EDIL3: variants seen among roughly 807,000 people sequenced by gnomAD.
EDIL3 encodes the protein EGF like and discoidin domains 3, also known as EGF-like repeat and discoidin I-like domain-containing protein 3.
EDIL3 carries 37 observed loss-of-function variants against 67.4 expected under a neutral mutation model. The ratio of observed to expected loss-of-function variants is 0.55; its 90% CI spans 0.42 to 0.72. The LOEUF (loss-of-function observed/expected upper bound fraction) is 0.72, where lower values mean the gene tolerates loss of function less well. Ranked by LOEUF, EDIL3 falls within the 30% of genes least tolerant of loss-of-function variation. The pLI, the probability that EDIL3 is intolerant of heterozygous loss-of-function variation, is 0.00. For synonymous variants in EDIL3, 195 were observed against 196.3 expected, an observed-to-expected ratio of 0.99 and a Z score of 0.05; for missense variants, 527 against 586.3, an observed-to-expected ratio of 0.90 and a Z score of 1.04.
At chr5:84,053,034 C>T (rs571427526) in intron 9 of EDIL3, among the ~76,000 whole-genome samples, 10 of 152,320 alleles carry the variant, frequency 6.6e-5, no homozygotes, top group South Asian at 4.1e-4. Context: ...CACACCTACT[C>T]CAAAATTGAC....
intron 1 of EDIL3, among the ~76,000 whole-genome samples, chr5:84,256,292 C>G (rs1343871944): frequency 6.6e-6 from 1 of 151,970 alleles, no homozygotes; most frequent in Non-Finnish European, 1.5e-5. Context: ...GCTGTATATA[C>G]CAAACTAAAT....
chr5:84,242,824 ATAT>A (rs34221437), intron 2 of EDIL3, among the ~76,000 whole-genome samples: 11,545 of 142,754 alleles, frequency 0.081, 603 homozygotes, highest in South Asian at 0.2. Flanking sequence ...TTCCAAAGAA[ATAT>A]TATTATTATT....
At chr5:84,282,960 C>T (rs2112109378) in intron 1 of EDIL3, among the ~76,000 whole-genome samples, 1 of 152,102 alleles carries the variant, frequency 6.6e-6, no homozygotes, top group Middle Eastern at 3.4e-3. Context: ...CACATTTTAT[C>T]ATTCGATTTG....
rs556898385 is a variant in EDIL3 at position 84,287,194 on chromosome 5, T to C, written c.68-32982A>G. ...AAGCTGTATTTATCCACTTGCCTTA[T>C]TTTCATAAAGAATATATAGTAATCT... is the stretch of plus-strand genomic sequence containing the variant. On this transcript the variant is annotated intron_variant, in intron 1 of 10. Transcript: ENST00000296591. 3.2e-4 allele frequency among the ~76,000 whole-genome samples: 48 copies of C among 152,296 alleles called. No individual in the cohort carries two copies. In the Middle Eastern group the frequency reaches 0.014, roughly 43 times the overall value.
chr5:84,325,940 C>A (rs1746747875), intron 1 of EDIL3, among the ~76,000 whole-genome samples: 1 of 152,004 alleles, frequency 6.6e-6, no homozygotes, highest in Non-Finnish European at 1.5e-5. Context: ...TTGAATGTGT[C>A]CCACAAATTT....
chr5:83,966,020 G>A (rs578079362), intron 9 of EDIL3, among the ~76,000 whole-genome samples: 3 of 152,126 alleles, frequency 2.0e-5, no homozygotes, highest in East Asian at 1.9e-4. Context: ...TCCAGAATTC[G>A]CCATGTAGAA....
chr5:84,379,591 T>G (rs1015905609), intron 1 of EDIL3, among the ~76,000 whole-genome samples: 24 of 152,144 alleles, frequency 1.6e-4, no homozygotes, highest in Admixed American at 6.5e-5. Flanking sequence ...AATCGTGGTA[T>G]AAATTTCATT....
intron 3 of EDIL3, among the ~76,000 whole-genome samples, chr5:84,214,568 G>A (rs918129956): frequency 2.0e-5 from 3 of 151,962 alleles, no homozygotes; most frequent in African/African-American, 7.3e-5. Flanking sequence ...TGAAACCTGT[G>A]GACAAGGAGA....
chr5:84,303,993 C>T (rs1746216380), intron 1 of EDIL3, among the ~76,000 whole-genome samples: 1 of 151,894 alleles, frequency 6.6e-6, no homozygotes, highest in Non-Finnish European at 1.5e-5. Context: ...CATATCAATC[C>T]ATATAAATTT....
At chr5:84,379,798 A>T (rs1748038804) in intron 1 of EDIL3, among the ~76,000 whole-genome samples, 1 of 152,090 alleles carries the variant, frequency 6.6e-6, no homozygotes, top group Non-Finnish European at 1.5e-5. Flanking sequence ...AATGAAAACT[A>T]ACTAATAACA....
chr5:84,230,649 C>T (rs764862394), intron 2 of EDIL3, among the ~76,000 whole-genome samples: 8 of 152,040 alleles, frequency 5.3e-5, no homozygotes, highest in Non-Finnish European at 7.4e-5. Context: ...TCAGGTGATC[C>T]GCCTGCCTGG....
intron 9 of EDIL3, among the ~76,000 whole-genome samples, chr5:84,013,434 G>A (rs990548529): frequency 2.6e-5 from 4 of 152,114 alleles, no homozygotes; most frequent in African/African-American, 9.7e-5. Context: ...ATCTTATTAT[G>A]AAGACTGAAA....
At chr5:84,047,237 CT>C (rs1561413806) in intron 9 of EDIL3, among the ~76,000 whole-genome samples, 2 of 151,858 alleles carry the variant, frequency 1.3e-5, no homozygotes, top group Non-Finnish European at 2.9e-5. Flanking sequence ...TACTTTGGGC[CT>C]TTTTCATGAT....
chr5:84,178,752 C>T (rs1269843662), intron 4 of EDIL3, among the ~76,000 whole-genome samples: 1 of 152,152 alleles, frequency 6.6e-6, no homozygotes, highest in Admixed American at 6.6e-5. Flanking sequence ...CCTCTGTTTT[C>T]TGTTGCTTCT....
intron 1 of EDIL3, among the ~76,000 whole-genome samples, chr5:84,284,384 G>A (rs1030458233): frequency 6.6e-6 from 1 of 151,694 alleles, no homozygotes; most frequent in African/African-American, 2.4e-5. Context: ...TTTCTCCTAC[G>A]GCATGGCTAC....
At chr5:84,263,892 C>T (rs1405668652) in intron 1 of EDIL3, among the ~76,000 whole-genome samples, 1 of 152,094 alleles carries the variant, frequency 6.6e-6, no homozygotes, top group Non-Finnish European at 1.5e-5. Flanking sequence ...AAGGATTCAG[C>T]TTTGACTCAA....
At chr5:84,363,735 G>C (rs1747667291) in intron 1 of EDIL3, among the ~76,000 whole-genome samples, 1 of 152,064 alleles carries the variant, frequency 6.6e-6, no homozygotes, top group Admixed American at 6.6e-5. Flanking sequence ...TTTCATGATG[G>C]TGAGTGACTA....
At chr5:84,250,277 G>A (rs1744997400) in intron 2 of EDIL3, among the ~76,000 whole-genome samples, 1 of 152,198 alleles carries the variant, frequency 6.6e-6, no homozygotes, top group Non-Finnish European at 1.5e-5. Flanking sequence ...TGAGCACATT[G>A]AGTTGTGTAG....
At chr5:84,140,106 T>G (rs1228718439) in intron 4 of EDIL3, among the ~76,000 whole-genome samples, 1 of 152,170 alleles carries the variant, frequency 6.6e-6, no homozygotes, top group Non-Finnish European at 1.5e-5. Flanking sequence ...ACCCTTCTAC[T>G]TTAGAAGAAC....
Sources: allele counts gnomAD v4.1 joint callset (sites outside exome capture counted in the v4.1 genomes callset), GRCh38; gene constraint gnomAD v4.1.1; transcripts MANE v1.5; gene names NCBI Gene and HGNC (gene_info 2026-07-23, HGNC 2026-07-21).